Variants in SLC4A4 observed in about 807,000 individuals in gnomAD.
SLC4A4 encodes the protein solute carrier family 4 member 4.
A neutral mutation model predicts 111.5 loss-of-function variants in SLC4A4; 27 were observed. The ratio of observed to expected loss-of-function variants is 0.24; its 90% confidence interval spans 0.18 to 0.33. The LOEUF (loss-of-function observed/expected upper bound fraction) is 0.33. Ranked by LOEUF, SLC4A4 falls within the 10% of genes least tolerant of loss-of-function variation. SLC4A4 has a pLI of 1.00. For synonymous variants in SLC4A4, 443 were observed against 463.4 expected (o/e 0.96, Z 0.57); for missense variants, 909 against 1,315.5 (o/e 0.69, Z 4.78).
At chr4:71,118,566 T>C (rs1362580261) in intron 2 of SLC4A4, among the ~76,000 whole-genome samples, 1 of 152,212 alleles carries the variant, frequency 6.6e-6, no homozygotes, top group Non-Finnish European at 1.5e-5. Flanking sequence ...AAATATACCC[T>C]TTAAAATTTC....
chr4:71,397,763 C>A, intron 7 of SLC4A4, 110 bp downstream of exon 7: 1 of 934,210 alleles, frequency 1.1e-6, no homozygotes, highest in Non-Finnish European at 1.8e-6. Context: ...CCTTTACGTG[C>A]AGACAACAGT....
intron 14 of SLC4A4, 90 bp from the exon 15 acceptor site, chr4:71,486,858 T>C: frequency 1.5e-6 from 1 of 666,252 alleles, no homozygotes; most frequent in East Asian, 3.2e-5. Flanking sequence ...TTTTACTGTA[T>C]AACCCTGCTT....
At chr4:71,351,696 A>G (rs1729855620) in intron 5 of SLC4A4, among the ~76,000 whole-genome samples, 1 of 152,184 alleles carries the variant, frequency 6.6e-6, no homozygotes, top group Non-Finnish European at 1.5e-5. Flanking sequence ...TCCTGCCTCT[A>G]CTAAAAATAC....
intron 3 of SLC4A4, among the ~76,000 whole-genome samples, chr4:71,336,175 A>G (rs1011521416): frequency 4.6e-5 from 7 of 152,228 alleles, no homozygotes; most frequent in African/African-American, 1.4e-4. Context: ...AAAAGTGAAC[A>G]TAAGAAAACA....
intron 20 of SLC4A4, among the ~76,000 whole-genome samples, chr4:71,552,291 T>C (rs1231314680): frequency 6.6e-6 from 1 of 151,874 alleles, no homozygotes; most frequent in Non-Finnish European, 1.5e-5. Context: ...ACTAGGCCTG[T>C]CTGACTTTTG....
At chr4:71,122,138 C>T (rs1405072372) in intron 2 of SLC4A4, among the ~76,000 whole-genome samples, 4 of 151,968 alleles carry the variant, frequency 2.6e-5, no homozygotes, top group African/African-American at 9.7e-5. Flanking sequence ...TCACCACGAG[C>T]GTCCGTGGCT....
At chr4:71,467,505 A>G (rs1727483179) in intron 13 of SLC4A4, among the ~76,000 whole-genome samples, 1 of 152,104 alleles carries the variant, frequency 6.6e-6, no homozygotes. Context: ...TGATTTATAG[A>G]TGAAATAACA....
chr4:71,470,741 A>G (rs1457579166), intron 13 of SLC4A4, among the ~76,000 whole-genome samples: 1 of 151,974 alleles, frequency 6.6e-6, no homozygotes, highest in Non-Finnish European at 1.5e-5. Flanking sequence ...CAGGCTGGAG[A>G]CCCAGGGGAG....
chr4:71,234,725 C>T (rs898311144), intron 1 of SLC4A4, among the ~76,000 whole-genome samples: 5 of 152,196 alleles, frequency 3.3e-5, no homozygotes, highest in Admixed American at 6.5e-5. Flanking sequence ...TGAGCCACCA[C>T]GGCCGGCCTC....
At chr4:71,477,615 T>G (rs905748184) in intron 14 of SLC4A4, among the ~76,000 whole-genome samples, 2 of 151,814 alleles carry the variant, frequency 1.3e-5, no homozygotes, top group Non-Finnish European at 2.9e-5. Context: ...ACATAGTCAT[T>G]AAGAAAAAGG....
chr4:71,311,677 C>A (rs1726178355), intron 3 of SLC4A4, among the ~76,000 whole-genome samples: 1 of 152,104 alleles, frequency 6.6e-6, no homozygotes, highest in Non-Finnish European at 1.5e-5. Context: ...TGGGACACAG[C>A]TAAAGCAGTG....
intron 2 of SLC4A4, among the ~76,000 whole-genome samples, chr4:71,151,332 G>T (rs928177541): frequency 2.1e-4 from 32 of 152,042 alleles, no homozygotes; most frequent in African/African-American, 7.2e-4. Context: ...GGTAGGTTTT[G>T]CCCTACTTCT....
At chr4:71,334,862 C>T (rs550879544) in intron 3 of SLC4A4, among the ~76,000 whole-genome samples, 1 of 152,242 alleles carries the variant, frequency 6.6e-6, no homozygotes, top group African/African-American at 2.4e-5. Context: ...GGAGGAGAGC[C>T]GAGCAGGGAT....
intron 16 of SLC4A4, among the ~76,000 whole-genome samples, chr4:71,524,508 C>G (rs1733244321): frequency 6.6e-6 from 1 of 152,094 alleles, no homozygotes; most frequent in Admixed American, 6.6e-5. Context: ...CTTTGCTCCT[C>G]AAATCTCTTT....
intron 2 of SLC4A4, among the ~76,000 whole-genome samples, chr4:71,108,341 C>T (rs906947768): frequency 3.3e-5 from 5 of 152,180 alleles, no homozygotes; most frequent in Admixed American, 2.6e-4. Flanking sequence ...ATTCTAGTGC[C>T]TCAATTTTTG....
At chr4:71,184,614 ATTC>A (rs1222876461), upstream of SLC4A4, among the ~76,000 whole-genome samples, 2 of 152,290 alleles carry the variant, frequency 1.3e-5, no homozygotes, top group Middle Eastern at 3.4e-3. Context: ...TTTTCTGCTC[ATTC>A]TTCTTGTCAC....
intron 3 of SLC4A4, among the ~76,000 whole-genome samples, chr4:71,278,339 C>T (rs190413003): frequency 6.6e-6 from 1 of 152,262 alleles, no homozygotes; most frequent in East Asian, 1.9e-4. Flanking sequence ...CCATTCATCT[C>T]TGGATGGACA....
chr4:71,139,314 T>C (rs942614046), intron 2 of SLC4A4, among the ~76,000 whole-genome samples: 3 of 151,978 alleles, frequency 2.0e-5, no homozygotes, highest in Non-Finnish European at 4.4e-5. Context: ...ATCCTCCACT[T>C]TTCTACAATC....
intron 2 of SLC4A4, among the ~76,000 whole-genome samples, chr4:71,119,736 C>A (rs982006089): frequency 3.3e-5 from 5 of 152,254 alleles, no homozygotes; most frequent in Middle Eastern, 3.4e-3. Flanking sequence ...GCTTCTACAT[C>A]TTTCTCTTTT....
Sources: allele counts gnomAD v4.1 joint callset (sites outside exome capture counted in the v4.1 genomes callset), GRCh38; gene constraint gnomAD v4.1.1; transcripts MANE v1.5; gene names NCBI Gene and HGNC (gene_info 2026-07-23, HGNC 2026-07-21).